Variants in CDK5RAP2 observed in about 807,000 individuals in gnomAD.
CDK5RAP2 encodes CDK5 regulatory subunit-associated protein 2.
Under a neutral mutation model 232.9 loss-of-function variants are expected in CDK5RAP2, and 147 were observed. That is an observed-to-expected ratio of 0.63 (90% CI 0.55 to 0.72). The LOEUF (loss-of-function observed/expected upper bound fraction) is 0.72, where lower values mean the gene tolerates loss of function less well. CDK5RAP2 is among the 30% of genes least tolerant of loss of function. CDK5RAP2 has a pLI of 0.00. For synonymous variants in CDK5RAP2, 833 were observed against 833.7 expected (o/e 1.00, Z 0.01); for missense variants, 2,195 against 2,231.5 (o/e 0.98, Z 0.33).
intron 14 of CDK5RAP2, among the ~76,000 whole-genome samples, chr9:120,483,817 A>G (rs2038452228): frequency 6.6e-6 from 1 of 152,234 alleles, no homozygotes; most frequent in African/African-American, 2.4e-5. Flanking sequence ...AACACATGTA[A>G]TGTGCAGACC....
chr9:120,575,429 T>C (rs1237612824), intron 1 of CDK5RAP2, among the ~76,000 whole-genome samples: 1 of 152,156 alleles, frequency 6.6e-6, no homozygotes, highest in East Asian at 1.9e-4. Flanking sequence ...TCCTCCTATC[T>C]TGCTCTATTG....
rs190899512 is a variant in CDK5RAP2, at chr9:120,492,922, G to A, written c.1312-1445C>T. On this transcript the variant is annotated intron_variant, in intron 12 of 37. Coordinates refer to ENST00000349780, the MANE Select transcript of CDK5RAP2 (RefSeq NM_018249.6). ...TCAATATGAACTTCTATTTTCTGTC[G>A]TTTCCTTTCTTTCACTAAAAAAGCC... Among the ~76,000 whole-genome samples the A allele has an allele frequency of 1.6e-3, 247 of 152,146 alleles. 1 individual carries two copies. The highest frequency in any genetic ancestry group is 5.6e-3 in the African/African-American group (232 of 41,510).
intron 12 of CDK5RAP2, among the ~76,000 whole-genome samples, chr9:120,496,625 C>T (rs1834703415): frequency 2.0e-5 from 3 of 149,258 alleles, no homozygotes; most frequent in Non-Finnish European, 3.0e-5. Flanking sequence ...TCTGCCCGGC[C>T]GCCCCTACTG....
At chr9:120,487,588 T>C (rs995574120) in intron 13 of CDK5RAP2, 151 bp from the exon 14 acceptor site, 2 of 642,478 alleles carry the variant, frequency 3.1e-6, no homozygotes, top group Admixed American at 3.0e-5. Context: ...TACTAGGCAA[T>C]TACAAAACTG....
intron 25 of CDK5RAP2, among the ~76,000 whole-genome samples, chr9:120,425,208 A>G (rs2034818469): frequency 6.6e-6 from 1 of 152,154 alleles, no homozygotes; most frequent in Non-Finnish European, 1.5e-5. Context: ...CAGACCCTCG[A>G]GGAGCTTGCA....
At chr9:120,428,629 A>G (rs570498198) in intron 25 of CDK5RAP2, among the ~76,000 whole-genome samples, 70 of 152,338 alleles carry the variant, frequency 4.6e-4, no homozygotes, top group Middle Eastern at 3.4e-3. Flanking sequence ...CTTACCAACC[A>G]AAAAGAGTCC....
chr9:120,525,902 G>A (rs1411522728), intron 10 of CDK5RAP2, among the ~76,000 whole-genome samples: 3 of 152,228 alleles, frequency 2.0e-5, no homozygotes, highest in African/African-American at 7.2e-5. Context: ...AAAGGCGTAA[G>A]CCACCATGCC....
At chr9:120,463,264 G>C (rs1037506703) in intron 18 of CDK5RAP2, among the ~76,000 whole-genome samples, 2 of 152,104 alleles carry the variant, frequency 1.3e-5, no homozygotes, top group Non-Finnish European at 2.9e-5. Context: ...CCAGCTACTT[G>C]GGAAGCTGAG....
At chr9:120,456,854 A>C (rs1325444139) in intron 20 of CDK5RAP2, among the ~76,000 whole-genome samples, 1 of 152,228 alleles carries the variant, frequency 6.6e-6, no homozygotes, top group Non-Finnish European at 1.5e-5. Flanking sequence ...ATAATATACT[A>C]AAGTGGTGGT....
At chr9:120,466,988 CCGA>C (rs1288877106) in intron 18 of CDK5RAP2, among the ~76,000 whole-genome samples, 2 of 152,196 alleles carry the variant, frequency 1.3e-5, no homozygotes. Context: ...TTCTGGTCTT[CCGA>C]AACAATGCTA....
In CDK5RAP2 at chr9:120,403,259, G is replaced by A. The variant is rs1052947612; in HGVS notation, c.5042-188C>T. 5.0e-6 allele frequency: 3 copies of A among 596,632 alleles called. No individual in the cohort carries two copies. The highest frequency in any genetic ancestry group is 8.9e-6 in the Non-Finnish European group (3 of 336,538). 37.0% of individuals were successfully genotyped at this position (596,632 alleles called of 1,614,324 possible). ...GTATATTACCCCACACTGGGCTTATGAGTCATCTTGTAGGAGAGGCTCAAG... is the reference window on the plus strand; with the variant it reads ...GTATATTACCCCACACTGGGCTTATAAGTCATCTTGTAGGAGAGGCTCAAG... On this transcript the variant is annotated intron_variant, in intron 33 of 37. Transcript: ENST00000349780. This position sits in a 1 kb window ranked among gnomAD's most constrained non-coding sequence, Gnocchi z 4.2.
At chr9:120,487,539 T>A in intron 13 of CDK5RAP2, 102 bp from the exon 14 acceptor site, 1 of 836,220 alleles carries the variant, frequency 1.2e-6, no homozygotes, top group Non-Finnish European at 1.8e-6. Flanking sequence ...TTTTTCATAA[T>A]ACTCCTATAT....
chr9:120,475,423 T>A (rs572507749), intron 15 of CDK5RAP2, among the ~76,000 whole-genome samples: 56 of 152,284 alleles, frequency 3.7e-4, no homozygotes, highest in African/African-American at 1.1e-3. Context: ...GAGCCCCTCA[T>A]GAAGCTGAGA....
chr9:120,488,541 T>C (rs1455712304), intron 13 of CDK5RAP2, among the ~76,000 whole-genome samples: 2 of 152,224 alleles, frequency 1.3e-5, no homozygotes, highest in African/African-American at 4.8e-5. Context: ...TCTTTAGCTA[T>C]TTCTTCTGCT....
At chr9:120,541,349 T>G (rs2041624554) in intron 5 of CDK5RAP2, among the ~76,000 whole-genome samples, 1 of 152,216 alleles carries the variant, frequency 6.6e-6, no homozygotes, top group Non-Finnish European at 1.5e-5. Flanking sequence ...ACAAGTACTA[T>G]TATTATTCAG....
At chr9:120,429,904 A>G (rs1231353003) in intron 25 of CDK5RAP2, among the ~76,000 whole-genome samples, 1 of 152,234 alleles carries the variant, frequency 6.6e-6, no homozygotes, top group Admixed American at 6.5e-5. Context: ...ACTGGCACCA[A>G]AAGAGAGATA....
At chr9:120,547,465 G>C (rs747820841) in intron 4 of CDK5RAP2, among the ~76,000 whole-genome samples, 1 of 152,094 alleles carries the variant, frequency 6.6e-6, no homozygotes, top group Non-Finnish European at 1.5e-5. Flanking sequence ...TTAGCCAGGA[G>C]TGGTGGCACA....
chr9:120,494,775 C>T (rs1212779406), intron 12 of CDK5RAP2, among the ~76,000 whole-genome samples: 1 of 96,554 alleles, frequency 1.0e-5, no homozygotes, highest in Non-Finnish European at 1.8e-5. Context: ...CCGGAGGCCC[C>T]AGAAGGGTCG....
chr9:120,576,149 CTGA>C lies in CDK5RAP2; in HGVS notation c.59+3768_59+3770del, dbSNP rs1177423057. On this transcript the variant is annotated intron_variant, in intron 1 of 37. Coordinates refer to ENST00000349780, the MANE Select transcript of CDK5RAP2 (RefSeq NM_018249.6). ...GGATGTGTATTTACCCAATCCCCTA[CTGA>C]TGATAATTCAATTTGTTTCCAAGTT... Among the ~76,000 whole-genome samples, 5 of 152,338 alleles carry C rather than the reference CTGA, an allele frequency of 3.3e-5. No individual in the cohort carries two copies. In the Middle Eastern group the frequency reaches 0.014, roughly 415 times the overall value.
Sources: gnomAD v4.1 joint callset for allele counts (sites outside exome capture counted in the v4.1 genomes callset) on GRCh38, gnomAD v4.1.1 for gene constraint, Gnocchi (gnomAD v3.1) non-coding constraint, MANE v1.5 for transcripts, NCBI Gene and HGNC (gene_info 2026-07-23, HGNC 2026-07-21) for gene names.